The following DOCK8 variants were observed in gnomAD, a reference collection of about 807,000 sequenced individuals.
DOCK8 encodes the protein dedicator of cytokinesis 8.
Under a neutral mutation model 245.6 loss-of-function variants are expected in DOCK8, and 141 were observed. That is an observed-to-expected ratio of 0.57 (90% CI 0.50 to 0.66). The LOEUF is 0.66. Among genes scored for constraint, DOCK8 ranks in the 30% least tolerant of loss-of-function variants. DOCK8 has a pLI of 0.00. For synonymous variants in DOCK8, 1,168 were observed against 970.2 expected (o/e 1.20, Z -3.79); for missense variants, 2,965 against 2,603.4 (o/e 1.14, Z -3.02).
intron 21 of DOCK8, chr9:381,066 A>C (rs2053702749): frequency 1.3e-5 from 2 of 152,438 alleles, no homozygotes; most frequent in African/African-American, 2.4e-5. Context: ...GCACCACTGC[A>C]CTCCAGCCTG....
At chr9:215,167 G>C (rs1040057534) in intron 1 of DOCK8, 138 bp downstream of exon 1, 1 of 1,496,504 alleles carries the variant, frequency 6.7e-7, no homozygotes, top group Non-Finnish European at 8.8e-7. Flanking sequence ...TGGGGCGCCC[G>C]GTTCCCGAGG....
At position 272,974 on chromosome 9, in the gene DOCK8, G is replaced by C. The variant is rs566413963; in HGVS notation, c.156+1245G>C. The C allele has an allele frequency of 1.4e-5, 13 of 934,522 alleles. No homozygotes were observed. In the South Asian group the frequency reaches 5.4e-4, roughly 39 times the overall value. The allele number at this position is 934,522 out of a possible 1,614,324, so 57.9% of individuals were successfully genotyped here. A position where few individuals can be genotyped will look rare whatever the true frequency, so the allele number is the denominator to read the frequency against. On this transcript the variant is annotated intron_variant, in intron 2 of 47. Transcript: ENST00000432829. ...TCTTGAAGAGGTTAGGTTACTTTTT[G>C]TTTCTACTTATTACTTCGAAACCAC...
chr9:306,974 C>T (rs542031407), intron 5 of DOCK8, among the ~76,000 whole-genome samples: 47 of 152,210 alleles, frequency 3.1e-4, no homozygotes, highest in African/African-American at 1.0e-3. Context: ...AGAAATTGCC[C>T]GGCTGGTGCT....
intron 33 of DOCK8, among the ~76,000 whole-genome samples, chr9:423,728 C>G (rs2056371221): frequency 6.6e-6 from 1 of 152,178 alleles, no homozygotes. Context: ...TTATAAAATA[C>G]TTGGATCGGA....
intron 29 of DOCK8, among the ~76,000 whole-genome samples, chr9:417,383 C>T (rs1456206959): frequency 6.6e-6 from 1 of 152,136 alleles, no homozygotes; most frequent in Non-Finnish European, 1.5e-5. Context: ...TAATTGAAGG[C>T]CCAGATGGCT....
chr9:335,541 G>A (rs1035460691), intron 11 of DOCK8, among the ~76,000 whole-genome samples: 1 of 152,120 alleles, frequency 6.6e-6, no homozygotes, highest in African/African-American at 2.4e-5. Context: ...TTTCTGGTTC[G>A]TCAATAACAA....
intron 24 of DOCK8, among the ~76,000 whole-genome samples, chr9:392,780 C>G (rs1053176373): frequency 6.6e-6 from 1 of 152,020 alleles, no homozygotes; most frequent in African/African-American, 2.4e-5. Flanking sequence ...GGGACTGGGC[C>G]ATAAGACCCA....
chr9:299,894 C>T (rs1186697986), intron 4 of DOCK8, among the ~76,000 whole-genome samples: 3 of 151,798 alleles, frequency 2.0e-5, no homozygotes, highest in South Asian at 2.1e-4. Context: ...TGGTGGTGGG[C>T]GCCTGTAGTC....
At chr9:420,094 GC>G (rs1232732116) in intron 30 of DOCK8, 2 of 444,952 alleles carry the variant, frequency 4.5e-6, no homozygotes, top group Non-Finnish European at 8.4e-6. Flanking sequence ...CATGATCAAG[GC>G]CCAGGGGTGA....
chr9:413,083 T>TCTA (rs200696818), intron 28 of DOCK8, among the ~76,000 whole-genome samples: 30 of 152,272 alleles, frequency 2.0e-4, no homozygotes, highest in Middle Eastern at 3.4e-3. Flanking sequence ...TGAAATTGGG[T>TCTA]TAAGAGTCCA....
intron 12 of DOCK8, among the ~76,000 whole-genome samples, chr9:337,927 G>A (rs1257441838): frequency 1.3e-5 from 2 of 152,190 alleles, no homozygotes; most frequent in Non-Finnish European, 2.9e-5. Flanking sequence ...GCCGAGGCAG[G>A]TGGATTATGT....
Position 439,313 on chromosome 9 carries a change from G to A in DOCK8, c.5148G>A (p.Gly1716=), listed in dbSNP as rs537339686. The A allele has an allele frequency of 6.2e-7, 1 of 1,614,200 alleles. No individual in the cohort carries two copies. Among genetic ancestry groups the A allele is most frequent in the South Asian group, 1.1e-5 (1 of 91,084 alleles). The change falls in exon 40 of 48, where the codon GGG becomes GGA. Residue 1716 remains glycine (G), a synonymous_variant. Transcript: ENST00000432829. Reference sequence around the variant, plus strand: ...ACACCCTGTCACCTGACGAGGATGGGGTGTGCGCAGGCCAGTACTTCACCG... The same window carrying A: ...ACACCCTGTCACCTGACGAGGATGGAGTGTGCGCAGGCCAGTACTTCACCG... The part of the protein sequence containing the change: ...SEDTLSPDED[G]VCAGQYFTES...
chr9:378,410 A>G lies in DOCK8; in HGVS notation c.2440+1199A>G, dbSNP rs145226415. Among the ~76,000 whole-genome samples, 963 of 152,362 alleles carry G rather than the reference A, an allele frequency of 6.3e-3. 19 individuals carry two copies. Among genetic ancestry groups the G allele is most frequent in the African/African-American group, 0.021 (881 of 41,598 alleles). On this transcript the variant is annotated intron_variant, in intron 20 of 47. Coordinates refer to ENST00000432829, the MANE Select transcript of DOCK8 (RefSeq NM_203447.4). ...GCACGTGTGGAAGTGGGCTGGGACA[A>G]TGAAGTGAGACGGCTTTTAGAGCCA...
chr9:224,623 T>C (rs1324965815), intron 1 of DOCK8, among the ~76,000 whole-genome samples: 1 of 152,170 alleles, frequency 6.6e-6, no homozygotes, highest in African/African-American at 2.4e-5. Flanking sequence ...GCCAAAACCT[T>C]CTTTGGCAGA....
intron 1 of DOCK8, among the ~76,000 whole-genome samples, chr9:267,654 G>C (rs1359931214): frequency 1.3e-5 from 2 of 152,170 alleles, no homozygotes; most frequent in South Asian, 2.1e-4. Context: ...TTGTGTGTTT[G>C]TATTTAGTTG....
intron 39 of DOCK8, among the ~76,000 whole-genome samples, chr9:438,234 C>G (rs2056968686): frequency 6.6e-6 from 1 of 152,210 alleles, no homozygotes; most frequent in African/African-American, 2.4e-5. Context: ...AGTTCACAAG[C>G]CAACTCTGAT....
intron 2 of DOCK8, chr9:284,292 C>G (rs549727364): frequency 6.6e-6 from 1 of 152,376 alleles, no homozygotes; most frequent in Non-Finnish European, 1.5e-5. Context: ...TGTCCTAATG[C>G]AAACTTAGTC....
At chr9:394,753 C>T (rs2054369121) in intron 24 of DOCK8, among the ~76,000 whole-genome samples, 4 of 152,178 alleles carry the variant, frequency 2.6e-5, no homozygotes, top group Admixed American at 2.6e-4. Context: ...CACAAAGGCC[C>T]ATATAGGGGG....
chr9:382,506 G>A lies in DOCK8; in HGVS notation c.2606-7G>A. 6.2e-7 allele frequency: 1 copy of A among 1,613,398 alleles called. No individual in the cohort carries two copies. Among genetic ancestry groups the A allele is most frequent in the African/African-American group, 1.3e-5 (1 of 74,980 alleles). On this transcript the variant is annotated splice_region_variant and splice_polypyrimidine_tract_variant and intron_variant, in intron 21 of 47. Coordinates refer to ENST00000432829, the MANE Select transcript of DOCK8 (RefSeq NM_203447.4). ...CTGTTGACATGTCTCTGCCTGGTGG[G>A]GTGCAGGCGCTCCCACTGCCCTCCT... is the stretch of plus-strand genomic sequence containing the variant.
Sources: allele counts gnomAD v4.1 joint callset (sites outside exome capture counted in the v4.1 genomes callset), GRCh38; gene constraint gnomAD v4.1.1; transcripts MANE v1.5; gene names NCBI Gene and HGNC (gene_info 2026-07-23, HGNC 2026-07-21).